The following PCSK2 variants were observed in gnomAD, a reference collection of about 807,000 sequenced individuals.
The protein encoded by PCSK2 is neuroendocrine convertase 2.
In PCSK2, 14 loss-of-function variants were observed where a neutral mutation model predicts 69.7. The ratio of observed to expected loss-of-function variants is 0.20; its 90% confidence interval spans 0.13 to 0.31. The LOEUF (loss-of-function observed/expected upper bound fraction) is 0.31. Ranked by LOEUF, PCSK2 falls within the 10% of genes least tolerant of loss-of-function variation. The pLI, the probability that PCSK2 is intolerant of heterozygous loss-of-function variation, is 1.00. For missense variants in PCSK2, 544 were observed against 842.5 expected (o/e 0.65, Z 4.39); for synonymous variants, 307 against 320.7 (o/e 0.96, Z 0.46).
chr20:17,276,236 C>A (rs1214080091), intron 2 of PCSK2, among the ~76,000 whole-genome samples: 1 of 152,062 alleles, frequency 6.6e-6, no homozygotes, highest in African/African-American at 2.4e-5. Context: ...AAATCAAATG[C>A]AAGCCTTATA....
intron 1 of PCSK2, among the ~76,000 whole-genome samples, chr20:17,241,133 T>C (rs1986555034): frequency 6.6e-6 from 1 of 152,198 alleles, no homozygotes; most frequent in African/African-American, 2.4e-5. Context: ...AGGCCGTGAC[T>C]GTCAGCAGAA....
chr20:17,450,324 G>A lies in PCSK2; in HGVS notation c.886-3418G>A, dbSNP rs978154989. 4.6e-5 allele frequency among the ~76,000 whole-genome samples: 7 copies of A among 152,040 alleles called. No individual in the cohort carries two copies. The East Asian group carries it at 9.6e-4, about 21-fold the overall frequency. ...ATTACAGGCATGAGACACCGCGCCC[G>A]GCTCTTCCTAAGTATTTTATCCTTT... is the stretch of plus-strand genomic sequence containing the variant. On this transcript the variant is annotated intron_variant, in intron 8 of 11. Transcript: ENST00000262545.
At chr20:17,409,041 TGAA>T (rs2031814655) in intron 5 of PCSK2, among the ~76,000 whole-genome samples, 2 of 152,088 alleles carry the variant, frequency 1.3e-5, no homozygotes, top group South Asian at 2.1e-4. Flanking sequence ...CTTGAAGGCT[TGAA>T]ATAGGATGAA....
intron 2 of PCSK2, among the ~76,000 whole-genome samples, chr20:17,277,281 A>G (rs1317040362): frequency 6.6e-6 from 1 of 152,204 alleles, no homozygotes; most frequent in African/African-American, 2.4e-5. Context: ...AGCCAAAAGA[A>G]CAAAGCTGGA....
chr20:17,447,293 A>G (rs1011724391), intron 8 of PCSK2, among the ~76,000 whole-genome samples: 2 of 151,138 alleles, frequency 1.3e-5, no homozygotes, highest in African/African-American at 4.9e-5. Flanking sequence ...AAATCTATGA[A>G]AGAAAAAAAC....
intron 1 of PCSK2, among the ~76,000 whole-genome samples, chr20:17,250,534 C>G (rs1213382739): frequency 6.6e-6 from 1 of 152,114 alleles, no homozygotes; most frequent in Admixed American, 6.6e-5. Context: ...TATTGTATCT[C>G]ACCTATTAAT....
chr20:17,235,124 G>T (rs887034998), intron 1 of PCSK2, among the ~76,000 whole-genome samples: 2 of 152,080 alleles, frequency 1.3e-5, no homozygotes, highest in African/African-American at 4.8e-5. Context: ...TAATTTAACT[G>T]CCTTGACAAT....
At chr20:17,250,708 T>TA (rs1159088824) in intron 1 of PCSK2, among the ~76,000 whole-genome samples, 1 of 152,110 alleles carries the variant, frequency 6.6e-6, no homozygotes, top group Non-Finnish European at 1.5e-5. Flanking sequence ...TTTCTTATTT[T>TA]AAAAAAACAC....
At position 17,481,413 on chromosome 20, in the gene PCSK2, A is replaced by AG. The variant is rs1555799067; in HGVS notation, c.1431-171_1431-170insG. 2.0e-4 allele frequency among the ~76,000 whole-genome samples: 23 copies of AG among 115,816 alleles called. 2 individuals carry two copies. Among genetic ancestry groups the AG allele is most frequent in the African/African-American group, 5.0e-4 (13 of 25,812 alleles). 76.0% of individuals were successfully genotyped at this position (115,816 alleles called of 152,430 possible). A position where few individuals can be genotyped will look rare whatever the true frequency, so the allele number is the denominator to read the frequency against. ...CAAAAAAAAAAAAAAAAAAAAAAAAAAGAGATAAGTAACTTACTCAGGCTC... is the reference window on the plus strand; with the variant it reads ...CAAAAAAAAAAAAAAAAAAAAAAAAAGAGAGATAAGTAACTTACTCAGGCTC... On this transcript the variant is annotated intron_variant, in intron 11 of 11. Transcript: ENST00000262545.
rs6034833 is a variant in PCSK2 at position 17,453,016 on chromosome 20, A to T, written c.886-726A>T. 0.16 allele frequency among the ~76,000 whole-genome samples: 23,707 copies of T among 152,180 alleles called. 1,973 individuals carry two copies. Among genetic ancestry groups the T allele is most frequent in the Middle Eastern group, 0.19 (57 of 294 alleles). On this transcript the variant is annotated intron_variant, in intron 8 of 11. Coordinates refer to ENST00000262545, the MANE Select transcript of PCSK2 (RefSeq NM_002594.5). This position sits in a 1 kb window ranked among gnomAD's most constrained non-coding sequence, Gnocchi z 4.0. ...TTTTATTCACTGTGTGTTTTACTTG[A>T]TCATATTAGACTTTCCTCCTACATT...
intron 2 of PCSK2, among the ~76,000 whole-genome samples, chr20:17,273,752 A>G (rs1350699578): frequency 1.3e-5 from 2 of 152,162 alleles, no homozygotes; most frequent in East Asian, 1.9e-4. Flanking sequence ...TTAACTCCCA[A>G]TGGTTTAATA....
intron 1 of PCSK2, among the ~76,000 whole-genome samples, chr20:17,256,446 A>G (rs974382300): frequency 6.6e-6 from 1 of 151,902 alleles, no homozygotes; most frequent in Non-Finnish European, 1.5e-5. Flanking sequence ...TGTGGAGCAT[A>G]TGTTCTTATT....
intron 2 of PCSK2, among the ~76,000 whole-genome samples, chr20:17,347,657 C>T (rs141603358): frequency 6.6e-5 from 10 of 152,042 alleles, no homozygotes; most frequent in Non-Finnish European, 1.2e-4. Flanking sequence ...AACAAATGCA[C>T]GCTGTGCTCC....
At chr20:17,232,400 G>A (rs1986172079) in intron 1 of PCSK2, among the ~76,000 whole-genome samples, 1 of 152,136 alleles carries the variant, frequency 6.6e-6, no homozygotes, top group African/African-American at 2.4e-5. Flanking sequence ...GTCTCATCGT[G>A]ACTTTAATTT....
chr20:17,303,361 T>C (rs1989157898), intron 2 of PCSK2, among the ~76,000 whole-genome samples: 2 of 129,804 alleles, frequency 1.5e-5, no homozygotes, highest in Admixed American at 8.9e-5. Context: ...ACATACAATA[T>C]ATGATATATA....
At chr20:17,303,436 TAATATAA>T (rs1568593177) in intron 2 of PCSK2, among the ~76,000 whole-genome samples, 16 of 66,178 alleles carry the variant, frequency 2.4e-4, no homozygotes, top group Admixed American at 6.1e-4. Context: ...TTTTAATATA[TAATATAA>T]TATATATTAT....
intron 2 of PCSK2, among the ~76,000 whole-genome samples, chr20:17,287,923 C>T (rs1376047415): frequency 6.6e-6 from 1 of 152,174 alleles, no homozygotes; most frequent in African/African-American, 2.4e-5. Context: ...CCTTGATGTA[C>T]CCTCCCCCAG....
chr20:17,409,397 T>G (rs1482771403), intron 6 of PCSK2, 58 bp downstream of exon 6: 1 of 1,225,484 alleles, frequency 8.2e-7, no homozygotes, highest in East Asian at 2.3e-5. Flanking sequence ...TATTCTACTT[T>G]GTTTTGTTTC....
chr20:17,393,830 T>C (rs181911210), intron 5 of PCSK2, among the ~76,000 whole-genome samples: 29 of 152,288 alleles, frequency 1.9e-4, no homozygotes, highest in Admixed American at 1.3e-3. Flanking sequence ...AAGTGTGGTA[T>C]AAATAAAAGT....
Sources: gnomAD v4.1 joint callset for allele counts (sites outside exome capture counted in the v4.1 genomes callset) on GRCh38, gnomAD v4.1.1 for gene constraint, Gnocchi (gnomAD v3.1) non-coding constraint, MANE v1.5 for transcripts, NCBI Gene and HGNC (gene_info 2026-07-23, HGNC 2026-07-21) for gene names.